NID2: variants seen among roughly 807,000 people sequenced by gnomAD.
NID2 encodes the protein nidogen 2, also known as nidogen-2.
In NID2, 83 loss-of-function variants were observed where a neutral mutation model predicts 145.4. That is an observed-to-expected ratio of 0.57 (90% CI 0.48 to 0.69). The LOEUF (loss-of-function observed/expected upper bound fraction) is 0.69. Among genes scored for constraint, NID2 ranks in the 30% least tolerant of loss-of-function variants. The probability of loss-of-function intolerance (pLI) is 0.00; values close to 1 mark genes in which losing one functional copy is unlikely to be tolerated. For synonymous variants in NID2, 739 were observed against 701.3 expected, an observed-to-expected ratio of 1.05 and a Z score of -0.85; for missense variants, 1,807 against 1,765.7, an observed-to-expected ratio of 1.02 and a Z score of -0.42.
chr14:52,014,934 A>G, intron 15 of NID2, 120 bp downstream of exon 15: 1 of 795,754 alleles, frequency 1.3e-6, no homozygotes, highest in Non-Finnish European at 2.1e-6. Flanking sequence ...CATAGCACAT[A>G]GTGACTTCTT....
rs1566741226 is a variant in NID2, at chr14:52,010,928, A to T, written c.3670T>A (p.Phe1224Ile). 1 of 1,613,856 alleles carries T rather than the reference A, an allele frequency of 6.2e-7. No individual in the cohort carries two copies. The highest frequency in any genetic ancestry group is 2.2e-5 in the East Asian group (1 of 44,876). ...CGGGGATTCACCAGATCTGTGTAGA[A>T]GAGGACCTTGCGCTCAGAGCCATCC... Reference protein sequence around the residue: ...LLDGSERKVLFYTDLVNPRAI... With the variant: ...LLDGSERKVLIYTDLVNPRAI... The change falls in exon 18 of 22, where the codon TTC becomes ATC. Residue 1224 changes from phenylalanine (F) to isoleucine (I), a missense_variant. Physicochemically the swap from Phe to Ile is conservative, Grantham distance 21 (BLOSUM62 0). Coordinates refer to ENST00000216286, the MANE Select transcript of NID2 (RefSeq NM_007361.4).
At chr14:52,062,718 A>C (rs1893053773) in intron 2 of NID2, among the ~76,000 whole-genome samples, 1 of 152,096 alleles carries the variant, frequency 6.6e-6, no homozygotes, top group Non-Finnish European at 1.5e-5. Context: ...TGAAGAATTG[A>C]AGGGGATGGG....
In NID2 at chr14:52,027,266, T is replaced by C. The variant is rs61971557; in HGVS notation, c.2609A>G (p.His870Arg). The C allele has an allele frequency of 5.5e-4, 884 of 1,598,064 alleles. 1 individual carries two copies. The highest frequency in any genetic ancestry group is 7.0e-4 in the Non-Finnish European group (821 of 1,172,966). Residue 870 changes from histidine to arginine, a missense_variant, in exon 12 of 22, where the codon CAT (histidine) becomes CGT (arginine). Coordinates refer to ENST00000216286, the MANE Select transcript of NID2 (RefSeq NM_007361.4). ...APAGQARCVHHGGSTFSCACL... is the reference protein window; with the variant it reads ...APAGQARCVHRGGSTFSCACL... ...GGCACAGCTGAACGTGCTGCCTCCA[T>C]GGTGAACACACCGGGCCTGCCCAGC...
chr14:52,057,226 A>G (rs958576732), intron 3 of NID2, among the ~76,000 whole-genome samples: 14 of 152,102 alleles, frequency 9.2e-5, no homozygotes, highest in African/African-American at 1.2e-4. Context: ...AATTTTTAGT[A>G]GAGATTAGGT....
chr14:52,027,309 T>TGCCATCCTCACAG lies in NID2; in HGVS notation c.2553_2565dup (p.Ser856LeufsTer2). 1 of 1,591,302 alleles carries TGCCATCCTCACAG rather than the reference T, an allele frequency of 6.3e-7. No individual in the cohort carries two copies. On this transcript the variant is annotated stop_gained and frameshift_variant, in exon 12 of 22. Coordinates refer to ENST00000216286, the MANE Select transcript of NID2 (RefSeq NM_007361.4). LOFTEE classifies it high-confidence loss of function. ...TGCCCAGCAGGAGCACAGGTATGAC[T>TGCCATCCTCACAG]GCCATCCTCACAGGGGTTGGCAGGT...
intron 9 of NID2, among the ~76,000 whole-genome samples, chr14:52,035,085 G>A (rs2140389713): frequency 6.6e-6 from 1 of 152,220 alleles, no homozygotes; most frequent in Admixed American, 6.5e-5. Flanking sequence ...CATTAGTGTG[G>A]TGCATTTGTT....
intron 5 of NID2, among the ~76,000 whole-genome samples, chr14:52,050,972 T>C (rs192769666): frequency 6.6e-6 from 1 of 152,206 alleles, no homozygotes; most frequent in East Asian, 1.9e-4. Context: ...ACACGGCAGG[T>C]GCTTGGGTAA....
chr14:52,030,624 A>G (rs8018265), intron 9 of NID2, among the ~76,000 whole-genome samples: 7 of 145,982 alleles, frequency 4.8e-5, no homozygotes, highest in African/African-American at 1.8e-4. Context: ...AAAAGAAAGA[A>G]AGAGAAAGAA....
At chr14:52,014,251 C>T (rs373655365) in intron 16 of NID2, 36 bp downstream of exon 16, 38 of 1,613,780 alleles carry the variant, frequency 2.4e-5, no homozygotes, top group Admixed American at 3.3e-5. Flanking sequence ...GGGAAAGCCA[C>T]GCAGCCCTGC....
intron 2 of NID2, among the ~76,000 whole-genome samples, chr14:52,061,120 C>T (rs146481265): frequency 3.9e-5 from 6 of 152,170 alleles, no homozygotes; most frequent in East Asian, 1.9e-4. Flanking sequence ...AGTTCCACTG[C>T]ATCTTTGTCA....
At chr14:52,043,877 G>T (rs1892380919) in intron 5 of NID2, among the ~76,000 whole-genome samples, 1 of 152,156 alleles carries the variant, frequency 6.6e-6, no homozygotes. Context: ...AGGAGGCCAA[G>T]CGGCTGCACA....
chr14:52,057,988 T>C (rs903382757), intron 3 of NID2, among the ~76,000 whole-genome samples: 1 of 152,212 alleles, frequency 6.6e-6, no homozygotes, highest in African/African-American at 2.4e-5. Flanking sequence ...TTTGACAATC[T>C]GAAATGTACA....
At position 52,005,832 on chromosome 14, in the gene NID2, A is replaced by ACTGATACAACACCAT; in HGVS notation, c.4007_4021dup (p.Asp1336_Ser1340dup). On this transcript the variant is annotated inframe_insertion, in exon 21 of 22. Transcript: ENST00000216286. ...AGTAAACTGGCCACTATGTTTATTT[A>ACTGATACAACACCAT]CTGATACAACACCATCCCTGGTAAC... 6.2e-7 allele frequency: 1 copy of ACTGATACAACACCAT among 1,611,102 alleles called. No individual in the cohort carries two copies. Among genetic ancestry groups the ACTGATACAACACCAT allele is most frequent in the South Asian group, 1.1e-5 (1 of 91,024 alleles).
intron 7 of NID2, among the ~76,000 whole-genome samples, chr14:52,041,229 T>C (rs1400857939): frequency 1.3e-5 from 2 of 152,220 alleles, no homozygotes; most frequent in Non-Finnish European, 1.5e-5. Flanking sequence ...AGGGTTTTGT[T>C]TGAATTTCAG....
chr14:52,053,544 T>C, intron 5 of NID2, 35 bp downstream of exon 5: 2 of 1,580,716 alleles, frequency 1.3e-6, no homozygotes, highest in Non-Finnish European at 1.7e-6. Flanking sequence ...ATGGTTAAGA[T>C]GAAACCTTAG....
At chr14:52,015,953 T>C (rs946166160) in intron 14 of NID2, among the ~76,000 whole-genome samples, 2 of 152,156 alleles carry the variant, frequency 1.3e-5, no homozygotes, top group African/African-American at 2.4e-5. Flanking sequence ...CACAGCCCAG[T>C]TTCCAGAATT....
chr14:52,029,331 C>T (rs1891713476), intron 10 of NID2, among the ~76,000 whole-genome samples: 1 of 152,124 alleles, frequency 6.6e-6, no homozygotes, highest in Non-Finnish European at 1.5e-5. Context: ...TTTTCACAGC[C>T]CCGGTGCAAA....
Position 52,068,970 on chromosome 14 carries a change from G to A in NID2, c.25C>T (p.Arg9Trp). The change falls in exon 1 of 22, where the codon CGG becomes TGG. Residue 9 changes from arginine to tryptophan, a missense_variant. Coordinates refer to ENST00000216286, the MANE Select transcript of NID2 (RefSeq NM_007361.4). MEGDRVAGRPVLSSLPVLL... is the reference protein window; with the variant it reads MEGDRVAGWPVLSSLPVLL... ...ACTGGTAACGACGACAGCACCGGCCGCCCGGCCACCCGGTCCCCCTCCATG... is the reference window on the plus strand; with the variant it reads ...ACTGGTAACGACGACAGCACCGGCCACCCGGCCACCCGGTCCCCCTCCATG... 2 of 1,612,060 alleles carry A rather than the reference G, an allele frequency of 1.2e-6. No individual in the cohort carries two copies.
At chr14:52,010,784 C>A in intron 18 of NID2, 92 bp downstream of exon 18, 1 of 1,304,922 alleles carries the variant, frequency 7.7e-7, no homozygotes, top group South Asian at 1.3e-5. Flanking sequence ...CTTTCACTCT[C>A]TTGTTCTGAC....
Sources: allele counts gnomAD v4.1 joint callset (sites outside exome capture counted in the v4.1 genomes callset), GRCh38; gene constraint gnomAD v4.1.1; transcripts MANE v1.5; gene names NCBI Gene and HGNC (gene_info 2026-07-23, HGNC 2026-07-21).